The following ESR2 variants were observed in gnomAD, a reference collection of about 807,000 sequenced individuals.
The protein encoded by ESR2 is estrogen receptor beta.
A neutral mutation model predicts 49.6 loss-of-function variants in ESR2; 36 were observed. That is an observed-to-expected ratio of 0.73 (90% confidence interval 0.56 to 0.96). The LOEUF (loss-of-function observed/expected upper bound fraction) is 0.96, where lower values mean the gene tolerates loss of function less well. ESR2 is among the 40% of genes least tolerant of loss of function. ESR2 has a pLI of 0.00. For missense variants in ESR2, 714 were observed against 693.0 expected, an observed-to-expected ratio of 1.03 and a Z score of -0.34; for synonymous variants, 320 against 266.1, an observed-to-expected ratio of 1.20 and a Z score of -1.97.
At chr14:64,271,682 G>C (rs2076449148) in intron 3 of ESR2, among the ~76,000 whole-genome samples, 1 of 152,162 alleles carries the variant, frequency 6.6e-6, no homozygotes, top group African/African-American at 2.4e-5. Flanking sequence ...TTGTGTGTCT[G>C]GTTATTTCAC....
At chr14:64,272,425 T>C (rs2076468698) in intron 3 of ESR2, among the ~76,000 whole-genome samples, 1 of 152,208 alleles carries the variant, frequency 6.6e-6, no homozygotes, top group Admixed American at 6.5e-5. Context: ...CACTTTTACT[T>C]TGGTTGCCTG....
In ESR2 at chr14:64,270,533, C is replaced by A. The variant is rs936238702; in HGVS notation, c.536-1622G>T. 1.1e-4 allele frequency among the ~76,000 whole-genome samples: 17 copies of A among 151,168 alleles called. No homozygotes were observed. The East Asian group carries it at 3.3e-3, about 29-fold the overall frequency. ...AAAGGTAATTTTTTTTTTTTTGAGA[C>A]AGAACCTTCCTCTGTTGCCTAGGTT... On this transcript the variant is annotated intron_variant, in intron 3 of 8. Transcript: ENST00000341099.
In ESR2 at chr14:64,304,216, A is replaced by G. The variant is rs944114355; in HGVS notation, c.-90-21141T>C. On this transcript the variant is annotated intron_variant, in intron 1 of 8. Coordinates refer to the ESR2 transcript ENST00000358599. ...TAGCTACTCAGAGGGCTGAGGTGGG[A>G]GGATCACCTGAGCCCGGCAGGTTCG... is the stretch of plus-strand genomic sequence containing the variant. 2.0e-5 allele frequency among the ~76,000 whole-genome samples: 3 copies of G among 152,188 alleles called. No individual in the cohort carries two copies. In the South Asian group the frequency reaches 6.2e-4, roughly 32 times the overall value.
rs2098725766 is a variant in ESR2, at chr14:64,230,051, C to T, written c.*3086G>A. ...AGAATTAGCCAGGAGTGGTGGTGTG[C>T]ACCCCAGCTACTCGGCGAGGGCGGG... On this transcript the variant is annotated 3_prime_UTR_variant, in exon 9 of 9. Coordinates refer to ENST00000341099, the MANE Select transcript of ESR2 (RefSeq NM_001437.3). Among the ~76,000 whole-genome samples, 1 of 151,672 alleles carries T rather than the reference C, an allele frequency of 6.6e-6. No individual in the cohort carries two copies. The highest frequency in any genetic ancestry group is 1.5e-5 in the Non-Finnish European group (1 of 67,914).
intron 4 of ESR2, among the ~76,000 whole-genome samples, chr14:64,266,800 G>T (rs1200112904): frequency 2.6e-5 from 4 of 152,050 alleles, no homozygotes; most frequent in African/African-American, 9.7e-5. Context: ...AGGTTTATGG[G>T]TTTTTTTCCC....
chr14:64,262,358 T>C (rs1201606254), intron 4 of ESR2, among the ~76,000 whole-genome samples: 2 of 151,904 alleles, frequency 1.3e-5, no homozygotes, highest in African/African-American at 2.4e-5. Flanking sequence ...CAAGTGATCC[T>C]CCTGCCTTGG....
intron 1 of ESR2, among the ~76,000 whole-genome samples, chr14:64,313,888 A>C (rs1005441927): frequency 6.6e-6 from 1 of 151,848 alleles, no homozygotes; most frequent in Non-Finnish European, 1.5e-5. Flanking sequence ...CAAAAAAAAA[A>C]AAAAGAAAGA....
chr14:64,321,510 G>T (rs1288623978), intron 1 of ESR2, among the ~76,000 whole-genome samples: 1 of 152,086 alleles, frequency 6.6e-6, no homozygotes, highest in Non-Finnish European at 1.5e-5. Context: ...TTTAAGTGAG[G>T]CTACCTATGG....
chr14:64,316,208 C>CAAAAAA (rs1298272638), intron 1 of ESR2, among the ~76,000 whole-genome samples: 1 of 150,624 alleles, frequency 6.6e-6, no homozygotes, highest in Non-Finnish European at 1.5e-5. Context: ...GACAGGGTCT[C>CAAAAAA]ACTCTATTGC....
At chr14:64,301,786 C>T (rs745539421) in intron 1 of ESR2, among the ~76,000 whole-genome samples, 59 of 152,288 alleles carry the variant, frequency 3.9e-4, no homozygotes, top group Non-Finnish European at 1.0e-4. Flanking sequence ...GAAGCTATTT[C>T]ATAGAAATGA....
At chr14:64,271,322 TTTTC>T (rs141589896) in intron 3 of ESR2, among the ~76,000 whole-genome samples, 64,136 of 151,464 alleles carry the variant, frequency 0.42, 13,912 homozygotes, top group Middle Eastern at 0.49. Context: ...AGTTCAATTG[TTTTC>T]TTTCTTTTTC....
intron 5 of ESR2, among the ~76,000 whole-genome samples, chr14:64,258,143 A>C (rs892099667): frequency 1.3e-5 from 2 of 152,140 alleles, no homozygotes; most frequent in Non-Finnish European, 2.9e-5. Context: ...CAGGAGGTCG[A>C]GGCTGTAGTG....
chr14:64,333,030 C>T (rs1318249957), intron 1 of ESR2, among the ~76,000 whole-genome samples: 1 of 151,470 alleles, frequency 6.6e-6, no homozygotes, highest in Admixed American at 6.6e-5. Flanking sequence ...GTGCCCACCA[C>T]CACGCCCAGC....
At chr14:64,315,356 T>C (rs1428958949) in intron 1 of ESR2, among the ~76,000 whole-genome samples, 1 of 151,436 alleles carries the variant, frequency 6.6e-6, no homozygotes, top group Non-Finnish European at 1.5e-5. Flanking sequence ...TAATAAGGAA[T>C]TATTATAAAC....
At chr14:64,268,526 C>G (rs1226660901) in intron 4 of ESR2, among the ~76,000 whole-genome samples, 1 of 152,176 alleles carries the variant, frequency 6.6e-6, no homozygotes, top group South Asian at 2.1e-4. Context: ...CATCTGGTGG[C>G]CTATTCTGTG....
At chr14:64,316,619 G>T (rs1234123776) in intron 1 of ESR2, among the ~76,000 whole-genome samples, 1 of 150,544 alleles carries the variant, frequency 6.6e-6, no homozygotes, top group African/African-American at 2.4e-5. Flanking sequence ...GACCAGCCTG[G>T]CCAACATGGT....
At chr14:64,256,741 A>AAAAAC (rs530253544) in intron 6 of ESR2, among the ~76,000 whole-genome samples, 7 of 152,122 alleles carry the variant, frequency 4.6e-5, no homozygotes, top group Admixed American at 1.3e-4. Flanking sequence ...AAAAAAAACA[A>AAAAAC]AAAACAAAAC....
At chr14:64,317,900 A>G (rs1033248785) in intron 1 of ESR2, among the ~76,000 whole-genome samples, 4 of 152,214 alleles carry the variant, frequency 2.6e-5, no homozygotes, top group Admixed American at 1.3e-4. Flanking sequence ...TTAACATTAC[A>G]TTTAATGGTG....
chr14:64,308,036 A>G (rs1455651000), intron 1 of ESR2, among the ~76,000 whole-genome samples: 3 of 151,690 alleles, frequency 2.0e-5, no homozygotes, highest in Admixed American at 1.3e-4. Flanking sequence ...TGTTGTTGAG[A>G]CGGGGTCTTG....
Sources: gnomAD v4.1 joint callset for allele counts (sites outside exome capture counted in the v4.1 genomes callset) on GRCh38, gnomAD v4.1.1 for gene constraint, MANE v1.5 for transcripts, NCBI Gene and HGNC (gene_info 2026-07-23, HGNC 2026-07-21) for gene names.